The following NLGN1 variants were observed in gnomAD, a reference collection of about 807,000 sequenced individuals.
NLGN1 encodes the protein neuroligin-1.
NLGN1 carries 12 observed loss-of-function variants against 65.5 expected under a neutral mutation model. The observed-to-expected ratio is 0.18, with a 90% CI of 0.12 to 0.30. NLGN1 has a LOEUF of 0.30. Among genes scored for constraint, NLGN1 ranks in the 10% least tolerant of loss-of-function variants. NLGN1 has a pLI of 1.00. For synonymous variants in NLGN1, 350 were observed against 359.5 expected, an observed-to-expected ratio of 0.97 and a Z score of 0.30; for missense variants, 750 against 1,007.1, an observed-to-expected ratio of 0.74 and a Z score of 3.46.
At chr3:173,889,567 G>A (rs544118031) in intron 4 of NLGN1, among the ~76,000 whole-genome samples, 1 of 152,110 alleles carries the variant, frequency 6.6e-6, no homozygotes. Context: ...GTAAAAAGGG[G>A]TTTTGTTGTT....
At chr3:173,400,605 T>C (rs1222647202) in intron 1 of NLGN1, among the ~76,000 whole-genome samples, 1 of 152,110 alleles carries the variant, frequency 6.6e-6, no homozygotes, top group Non-Finnish European at 1.5e-5. Context: ...TTTAGTTCCT[T>C]GGGTGGTCTT....
intron 3 of NLGN1, among the ~76,000 whole-genome samples, chr3:173,692,821 C>G (rs1765668360): frequency 6.6e-6 from 1 of 152,052 alleles, no homozygotes; most frequent in South Asian, 2.1e-4. Flanking sequence ...TGAGAATAGT[C>G]TCTGTGAACA....
intron 2 of NLGN1, among the ~76,000 whole-genome samples, chr3:173,579,843 G>A (rs754462258): frequency 6.6e-6 from 1 of 152,102 alleles, no homozygotes; most frequent in Non-Finnish European, 1.5e-5. Flanking sequence ...GGTTACATCA[G>A]GGGAGTTCTG....
intron 2 of NLGN1, among the ~76,000 whole-genome samples, chr3:173,532,868 G>T (rs375397688): frequency 5.3e-5 from 8 of 152,244 alleles, no homozygotes; most frequent in Non-Finnish European, 1.0e-4. Context: ...AGTTCTGCTC[G>T]ATATCTCCTT....
intron 4 of NLGN1, among the ~76,000 whole-genome samples, chr3:174,220,478 C>T (rs996417004): frequency 2.0e-5 from 3 of 152,062 alleles, no homozygotes; most frequent in Non-Finnish European, 4.4e-5. Flanking sequence ...GCAACATTTC[C>T]TGACAAAGAT....
intron 2 of NLGN1, among the ~76,000 whole-genome samples, chr3:173,497,231 A>C (rs1730175115): frequency 6.6e-6 from 1 of 151,664 alleles, no homozygotes; most frequent in Admixed American, 6.6e-5. Flanking sequence ...TAAAAATACA[A>C]AAATTAGCTA....
intron 4 of NLGN1, among the ~76,000 whole-genome samples, chr3:173,847,526 T>C (rs1726009922): frequency 6.6e-6 from 1 of 152,152 alleles, no homozygotes; most frequent in Admixed American, 6.5e-5. Context: ...CAATGAGAAG[T>C]TTTTAAAAAG....
At chr3:173,685,626 AT>A (rs1340435632) in intron 3 of NLGN1, 1 of 984,538 alleles carries the variant, frequency 1.0e-6, no homozygotes, top group African/African-American at 1.7e-5. Flanking sequence ...GAAGTCAATG[AT>A]TTAAGATGGT....
At chr3:173,560,698 A>G (rs1742586208) in intron 2 of NLGN1, among the ~76,000 whole-genome samples, 3 of 152,226 alleles carry the variant, frequency 2.0e-5, no homozygotes, top group African/African-American at 7.2e-5. Context: ...ACCCCAAGAT[A>G]ACAAGACAAA....
intron 4 of NLGN1, among the ~76,000 whole-genome samples, chr3:174,114,327 C>A (rs1430375844): frequency 6.6e-6 from 1 of 152,110 alleles, no homozygotes; most frequent in East Asian, 1.9e-4. Flanking sequence ...TTATGTAATT[C>A]ATTAAAATAC....
intron 3 of NLGN1, among the ~76,000 whole-genome samples, chr3:173,705,154 A>AT (rs142650001): frequency 5.8e-4 from 88 of 150,530 alleles, no homozygotes; most frequent in African/African-American, 1.5e-3. Flanking sequence ...CTTTGGAAAC[A>AT]TTTTTTTTTT....
rs74835872 is a variant in NLGN1 at position 173,917,565 on chromosome 3, A to G, written c.646+109733A>G. Among the ~76,000 whole-genome samples the G allele has an allele frequency of 1.5e-3, 232 of 152,332 alleles. 7 individuals are homozygous for G. The East Asian group carries it at 0.041, about 27-fold the overall frequency. ...TACAAAAGTAGATTTTACTAAAACA[A>G]GAGAAAAGTAAACATATCCTTCTTT... On this transcript the variant is annotated intron_variant, in intron 4 of 6. Transcript: ENST00000457714.
chr3:173,786,640 A>G (rs1036946024), intron 3 of NLGN1, among the ~76,000 whole-genome samples: 8 of 152,342 alleles, frequency 5.3e-5, no homozygotes, highest in African/African-American at 1.9e-4. Context: ...TTAATAGTAT[A>G]TGAATCATTC....
intron 4 of NLGN1, among the ~76,000 whole-genome samples, chr3:174,184,497 A>G (rs1011365971): frequency 6.6e-6 from 1 of 152,146 alleles, no homozygotes; most frequent in Non-Finnish European, 1.5e-5. Context: ...TTTTGTGTCC[A>G]TATTTTTAAT....
intron 3 of NLGN1, among the ~76,000 whole-genome samples, chr3:173,696,352 T>A (rs972007549): frequency 6.6e-6 from 1 of 152,170 alleles, no homozygotes; most frequent in Admixed American, 6.5e-5. Context: ...CCTTGTAGCA[T>A]AGTGGGAAAA....
chr3:173,883,027 A>G (rs183644903), intron 4 of NLGN1, among the ~76,000 whole-genome samples: 21 of 147,084 alleles, frequency 1.4e-4, no homozygotes, highest in African/African-American at 5.1e-4. Context: ...TGTGCTTACT[A>G]TAGTAGCACT....
chr3:173,724,925 C>T (rs924606909), intron 3 of NLGN1, among the ~76,000 whole-genome samples: 4 of 151,908 alleles, frequency 2.6e-5, no homozygotes, highest in African/African-American at 7.3e-5. Context: ...AGCAAACTAT[C>T]GCAAGGACAG....
chr3:174,214,784 G>A (rs1737304456), intron 4 of NLGN1, among the ~76,000 whole-genome samples: 2 of 152,240 alleles, frequency 1.3e-5, no homozygotes, highest in African/African-American at 4.8e-5. Context: ...GTGGTCATCA[G>A]GGACCCAGCA....
intron 4 of NLGN1, among the ~76,000 whole-genome samples, chr3:173,939,821 G>T (rs1008021219): frequency 6.6e-6 from 1 of 151,496 alleles, no homozygotes; most frequent in Admixed American, 6.6e-5. Context: ...GTTTTGCCTC[G>T]CTGATGCCTA....
Sources: allele counts gnomAD v4.1 joint callset (sites outside exome capture counted in the v4.1 genomes callset), GRCh38; gene constraint gnomAD v4.1.1; transcripts MANE v1.5; gene names NCBI Gene and HGNC (gene_info 2026-07-23, HGNC 2026-07-21).